The following PYGO1 variants were observed in gnomAD, a reference collection of about 807,000 sequenced individuals.
PYGO1 encodes the protein pygopus family PHD finger 1.
In PYGO1, 6 loss-of-function variants were observed where a neutral mutation model predicts 29.5. That is an observed-to-expected ratio of 0.20 (90% CI 0.11 to 0.40). PYGO1 has a LOEUF of 0.40. Ranked by LOEUF, PYGO1 falls within the 10% of genes least tolerant of loss-of-function variation. The probability of loss-of-function intolerance (pLI) is 1.00; values close to 1 mark genes in which losing one functional copy is unlikely to be tolerated. For missense variants in PYGO1, 515 were observed against 514.9 expected, an observed-to-expected ratio of 1.00 and a Z score of 0.00; for synonymous variants, 186 against 180.5, an observed-to-expected ratio of 1.03 and a Z score of -0.24.
chr15:55,560,938 G>A (rs1450458875), intron 1 of PYGO1, among the ~76,000 whole-genome samples: 4 of 152,072 alleles, frequency 2.6e-5, no homozygotes, highest in Non-Finnish European at 5.9e-5. Flanking sequence ...GGGCGACAGA[G>A]CAAGACTCTA....
intron 1 of PYGO1, among the ~76,000 whole-genome samples, chr15:55,565,502 G>A (rs548694630): frequency 7.9e-5 from 12 of 151,768 alleles, no homozygotes; most frequent in Admixed American, 2.6e-4. Flanking sequence ...TCAGGAGTTC[G>A]AGACCAGCCT....
Position 55,539,610 on chromosome 15 carries a change from C to A in PYGO1, c.*6413G>T, listed in dbSNP as rs540582338. 2.6e-5 allele frequency: 4 copies of A among 151,946 alleles called. No individual in the cohort carries two copies. Among genetic ancestry groups the A allele is most frequent in the Non-Finnish European group, 5.9e-5 (4 of 67,906 alleles). 9.4% of individuals were successfully genotyped at this position (151,946 alleles called of 1,614,324 possible). On this transcript the variant is annotated 3_prime_UTR_variant, in exon 3 of 3. Coordinates refer to ENST00000563719, the MANE Select transcript of PYGO1 (RefSeq NM_001367806.1). The stretch of plus-strand genomic sequence containing the variant: ...ATAGCAGACAAAAATAAATCCCTAA[C>A]ATGTAATACTAAATTTTTAACATAA...
chr15:55,551,484 A>G (rs2058878443), intron 1 of PYGO1, among the ~76,000 whole-genome samples: 1 of 152,142 alleles, frequency 6.6e-6, no homozygotes, highest in Non-Finnish European at 1.5e-5. Flanking sequence ...CCAAAAAACC[A>G]CAGACTAACA....
At chr15:55,547,388 CTCAAA>C (rs1280281288) in intron 2 of PYGO1, among the ~76,000 whole-genome samples, 1 of 152,230 alleles carries the variant, frequency 6.6e-6, no homozygotes, top group East Asian at 1.9e-4. Flanking sequence ...ATTTTCTGAG[CTCAAA>C]TCCATTGTAA....
At chr15:55,568,910 T>C (rs1223830997) in intron 1 of PYGO1, among the ~76,000 whole-genome samples, 4 of 152,224 alleles carry the variant, frequency 2.6e-5, no homozygotes, top group Non-Finnish European at 5.9e-5. Flanking sequence ...TTGCTTATGT[T>C]GAACCAACCT....
Position 55,544,889 on chromosome 15 carries a change from C to T in PYGO1, c.*1134G>A, listed in dbSNP as rs1319398119. 6.6e-6 allele frequency: 1 copy of T among 151,890 alleles called. No individual in the cohort carries two copies. Among genetic ancestry groups the T allele is most frequent in the South Asian group, 2.1e-4 (1 of 4,810 alleles). The allele number at this position is 151,890 out of a possible 1,614,324, so 9.4% of individuals were successfully genotyped here. On this transcript the variant is annotated 3_prime_UTR_variant, in exon 3 of 3. Transcript: ENST00000563719. ...ACTGTCTCCATTCTTGATCATCCCT[C>T]AAGAGGGTACTCTCAGGTCCATTTT...
upstream of PYGO1, chr15:55,588,886 G>T (rs2059062524): frequency 6.2e-7 from 1 of 1,609,386 alleles, no homozygotes; most frequent in African/African-American, 1.3e-5. Flanking sequence ...CCGTGTCCGC[G>T]TGGCCGTGGT....
intron 1 of PYGO1, among the ~76,000 whole-genome samples, chr15:55,549,812 G>A (rs1462087883): frequency 6.6e-6 from 1 of 152,064 alleles, no homozygotes; most frequent in Non-Finnish European, 1.5e-5. Context: ...TTTTATTATG[G>A]AGAATTCTGA....
rs2058832450 is a variant in PYGO1 at position 55,542,598 on chromosome 15, A to G, written c.*3425T>C. Reference sequence around the variant, plus strand: ...TGGACCACAAATTCTCTAGTGCATGAGCAAGTCAAGTTCTGAGAAAGGAAC... The same window carrying G: ...TGGACCACAAATTCTCTAGTGCATGGGCAAGTCAAGTTCTGAGAAAGGAAC... On this transcript the variant is annotated 3_prime_UTR_variant, in exon 3 of 3. Coordinates refer to ENST00000563719, the MANE Select transcript of PYGO1 (RefSeq NM_001367806.1). 6.6e-6 allele frequency: 1 copy of G among 152,176 alleles called. No individual in the cohort carries two copies. The highest frequency in any genetic ancestry group is 2.4e-5 in the African/African-American group (1 of 41,436). The allele number at this position is 152,176 out of a possible 1,614,324, so 9.4% of individuals were successfully genotyped here.
intron 1 of PYGO1, among the ~76,000 whole-genome samples, chr15:55,580,871 G>A (rs577461339): frequency 5.3e-5 from 8 of 152,240 alleles, no homozygotes; most frequent in African/African-American, 1.9e-4. Flanking sequence ...ATCTTCCCAG[G>A]AGGTAACTTC....
chr15:55,546,246 C>A lies in PYGO1; in HGVS notation c.1037G>T (p.Cys346Phe). 1 of 1,614,162 alleles carries A rather than the reference C, an allele frequency of 6.2e-7. No individual in the cohort carries two copies. The highest frequency in any genetic ancestry group is 1.6e-4 in the Middle Eastern group (1 of 6,062). ...SSDPVYPCGI[C>F]TNEVNDDQDA... Reference sequence around the variant, plus strand: ...CTGATCATCGTTCACCTCGTTTGTACAAATTCCACAAGGATACACTGGGTC... The same window carrying A: ...CTGATCATCGTTCACCTCGTTTGTAAAAATTCCACAAGGATACACTGGGTC... The change falls in exon 3 of 3, where the codon TGT (cysteine) becomes TTT (phenylalanine). Residue 346 changes from cysteine to phenylalanine, a missense_variant. Coordinates refer to ENST00000563719, the MANE Select transcript of PYGO1 (RefSeq NM_001367806.1).
At chr15:55,560,435 C>T (rs1276158309) in intron 1 of PYGO1, among the ~76,000 whole-genome samples, 1 of 151,988 alleles carries the variant, frequency 6.6e-6, no homozygotes, top group East Asian at 1.9e-4. Context: ...TTCACAATTG[C>T]TAGAGAGAAT....
At chr15:55,564,766 A>G (rs139768322) in intron 1 of PYGO1, among the ~76,000 whole-genome samples, 1 of 152,310 alleles carries the variant, frequency 6.6e-6, no homozygotes, top group African/African-American at 2.4e-5. Context: ...ACCATTGATA[A>G]TCTCTCAGTC....
intron 1 of PYGO1, among the ~76,000 whole-genome samples, chr15:55,556,400 C>T (rs1408129456): frequency 6.6e-6 from 1 of 152,078 alleles, no homozygotes; most frequent in African/African-American, 2.4e-5. Flanking sequence ...CTGAATGACT[C>T]CCGGGTAAAT....
chr15:55,545,559 T>C lies in PYGO1; in HGVS notation c.*464A>G, dbSNP rs2058845816. On this transcript the variant is annotated 3_prime_UTR_variant, in exon 3 of 3. Coordinates refer to ENST00000563719, the MANE Select transcript of PYGO1 (RefSeq NM_001367806.1). ...GTCATACTATTATTTTTTTAATCCA[T>C]AAAAATGTATGCTTTCCCCCATGTT... 6.6e-6 allele frequency: 1 copy of C among 152,558 alleles called. No individual in the cohort carries two copies. The highest frequency in any genetic ancestry group is 2.1e-4 in the South Asian group (1 of 4,836). 9.5% of individuals were successfully genotyped at this position (152,558 alleles called of 1,614,324 possible).
At chr15:55,569,171 C>T (rs1352749129) in intron 1 of PYGO1, among the ~76,000 whole-genome samples, 2 of 151,776 alleles carry the variant, frequency 1.3e-5, no homozygotes, top group Admixed American at 1.3e-4. Context: ...AGAATTGGTA[C>T]CAGCTCTTCT....
At chr15:55,567,589 A>G (rs980667917) in intron 1 of PYGO1, among the ~76,000 whole-genome samples, 4 of 152,050 alleles carry the variant, frequency 2.6e-5, no homozygotes, top group African/African-American at 9.7e-5. Flanking sequence ...TTCTTTTGCT[A>G]TGCAGAAACT....
At chr15:55,582,445 G>C (rs533062522) in intron 1 of PYGO1, among the ~76,000 whole-genome samples, 54 of 151,952 alleles carry the variant, frequency 3.6e-4, no homozygotes, top group African/African-American at 1.3e-3. Flanking sequence ...ACTCTCTCAC[G>C]GTTTTTCTCC....
intron 1 of PYGO1, among the ~76,000 whole-genome samples, chr15:55,558,925 C>G (rs560967867): frequency 6.6e-6 from 1 of 151,954 alleles, no homozygotes; most frequent in African/African-American, 2.4e-5. Flanking sequence ...TAGGCATGGG[C>G]AAGGACTTCA....
Sources: allele counts gnomAD v4.1 joint callset (sites outside exome capture counted in the v4.1 genomes callset), GRCh38; gene constraint gnomAD v4.1.1; transcripts MANE v1.5; gene names NCBI Gene and HGNC (gene_info 2026-07-23, HGNC 2026-07-21).